The following TUBA1C variants were observed in gnomAD, a reference collection of about 807,000 sequenced individuals.
The protein encoded by TUBA1C is tubulin alpha 1c.
In TUBA1C, 16 loss-of-function variants were observed where a neutral mutation model predicts 34.9. The ratio of observed to expected loss-of-function variants is 0.46; its 90% confidence interval spans 0.31 to 0.70. The LOEUF (loss-of-function observed/expected upper bound fraction) is 0.70, where lower values mean the gene tolerates loss of function less well. TUBA1C is among the 30% of genes least tolerant of loss of function. TUBA1C has a pLI of 0.05. For synonymous variants in TUBA1C, 177 were observed against 215.9 expected (o/e 0.82, Z 1.58); for missense variants, 329 against 587.3 (o/e 0.56, Z 4.55).
chr12:49,236,473 T>G (rs1283027483), intron 1 of TUBA1C, among the ~76,000 whole-genome samples: 1 of 152,242 alleles, frequency 6.6e-6, no homozygotes, highest in Non-Finnish European at 1.5e-5. Flanking sequence ...CCAACAAAAC[T>G]GAATGTTGTA....
At chr12:49,257,390 C>A (rs1592281777) in intron 1 of TUBA1C, among the ~76,000 whole-genome samples, 1 of 152,042 alleles carries the variant, frequency 6.6e-6, no homozygotes, top group East Asian at 1.9e-4. Flanking sequence ...ATTTAAAATC[C>A]TCAGTCCAGG....
intron 1 of TUBA1C, among the ~76,000 whole-genome samples, chr12:49,245,907 CTTT>C (rs557172817): frequency 6.6e-6 from 1 of 151,836 alleles, no homozygotes. Flanking sequence ...CATACTTCTT[CTTT>C]TTTTTCTTTT....
At chr12:49,269,358 C>T in intron 1 of TUBA1C, 107 bp from the exon 2 acceptor site, 3 of 1,538,858 alleles carry the variant, frequency 1.9e-6, no homozygotes, top group Non-Finnish European at 1.8e-6. Flanking sequence ...TCACTGCGCC[C>T]AGCCAGTTAT....
intron 1 of TUBA1C, among the ~76,000 whole-genome samples, chr12:49,239,973 T>C (rs1291747228): frequency 6.6e-6 from 1 of 151,772 alleles, no homozygotes; most frequent in Non-Finnish European, 1.5e-5. Context: ...CTGTTTTCTC[T>C]TGTTGTTCTG....
At chr12:49,241,456 G>A (rs1942613970) in intron 1 of TUBA1C, among the ~76,000 whole-genome samples, 1 of 152,162 alleles carries the variant, frequency 6.6e-6, no homozygotes, top group Admixed American at 6.5e-5. Context: ...GAGCATGAAT[G>A]TGGTTTGCTT....
intron 1 of TUBA1C, among the ~76,000 whole-genome samples, chr12:49,244,310 CCTT>C (rs911765274): frequency 6.6e-6 from 1 of 152,156 alleles, no homozygotes; most frequent in Non-Finnish European, 1.5e-5. Flanking sequence ...TCATGTTTCT[CCTT>C]CTCCATCTTT....
chr12:49,264,319 C>T (rs1310409267), upstream of TUBA1C, among the ~76,000 whole-genome samples: 1 of 152,062 alleles, frequency 6.6e-6, no homozygotes, highest in Non-Finnish European at 1.5e-5. Context: ...TTGCGCCTAT[C>T]GGGAGGAGAC....
chr12:49,247,947 C>CA (rs59651984), intron 1 of TUBA1C, among the ~76,000 whole-genome samples: 30,000 of 86,134 alleles, frequency 0.35, 4,302 homozygotes, highest in East Asian at 0.7. Flanking sequence ...GATTCCGTCT[C>CA]AAAAAAAAAA....
chr12:49,261,924 A>C (rs1338016067), upstream of TUBA1C, among the ~76,000 whole-genome samples: 2 of 152,162 alleles, frequency 1.3e-5, no homozygotes, highest in African/African-American at 4.8e-5. Flanking sequence ...TGTTCTGGTG[A>C]TTCTTCAGTC....
At chr12:49,231,273 T>G (rs1942493988) in intron 1 of TUBA1C, among the ~76,000 whole-genome samples, 1 of 152,174 alleles carries the variant, frequency 6.6e-6, no homozygotes, top group African/African-American at 2.4e-5. Flanking sequence ...CAAGTGATCC[T>G]CCTGTCTCAC....
intron 1 of TUBA1C, among the ~76,000 whole-genome samples, chr12:49,239,741 G>A (rs953876142): frequency 2.0e-5 from 3 of 152,048 alleles, no homozygotes; most frequent in South Asian, 2.1e-4. Flanking sequence ...GGAGGATCGT[G>A]TGAGCCCAGG....
intron 3 of TUBA1C, 88 bp from the exon 4 acceptor site, chr12:49,272,165 A>G: frequency 6.6e-7 from 1 of 1,526,276 alleles, no homozygotes; most frequent in Middle Eastern, 1.8e-4. Flanking sequence ...GTAGCCATAG[A>G]TTTATAGAAG....
chr12:49,267,680 A>G (rs1942933500), intron 1 of TUBA1C, among the ~76,000 whole-genome samples: 1 of 152,148 alleles, frequency 6.6e-6, no homozygotes, highest in South Asian at 2.1e-4. Context: ...GTCATGGGCT[A>G]ATTAGAACAA....
intron 1 of TUBA1C, among the ~76,000 whole-genome samples, chr12:49,245,141 G>A (rs561114045): frequency 6.6e-6 from 1 of 152,216 alleles, no homozygotes; most frequent in African/African-American, 2.4e-5. Flanking sequence ...ATTACAAGGG[G>A]TTTATTCACT....
At chr12:49,253,769 C>G (rs1942754354) in intron 1 of TUBA1C, among the ~76,000 whole-genome samples, 1 of 152,176 alleles carries the variant, frequency 6.6e-6, no homozygotes, top group African/African-American at 2.4e-5. Flanking sequence ...CTCAAGCGAT[C>G]TTCCTGCTTC....
Position 49,273,318 on chromosome 12 carries a change from GAAGTTTCCATTTT to G in TUBA1C, c.*94_*106del, listed in dbSNP as rs1202150157. 1 of 1,608,330 alleles carries G rather than the reference GAAGTTTCCATTTT, an allele frequency of 6.2e-7. No individual in the cohort carries two copies. The highest frequency in any genetic ancestry group is 8.5e-7 in the Non-Finnish European group (1 of 1,176,300). ...ATTGCCGTAAATTGTTAATAAAATTGAAGTTTCCATTTTAAATGTCGAGCTGACTTAAATACTT... is the reference window on the plus strand; with the variant it reads ...ATTGCCGTAAATTGTTAATAAAATTGAAATGTCGAGCTGACTTAAATACTT... On this transcript the variant is annotated 3_prime_UTR_variant, in exon 4 of 4. Coordinates refer to ENST00000301072, the MANE Select transcript of TUBA1C (RefSeq NM_032704.5).
chr12:49,237,781 G>A (rs2136990476), intron 1 of TUBA1C, among the ~76,000 whole-genome samples: 1 of 150,534 alleles, frequency 6.6e-6, no homozygotes, highest in East Asian at 2.0e-4. Context: ...GGGGAGGCAG[G>A]GAGGAAGGAA....
chr12:49,233,400 T>A (rs1025782080), intron 1 of TUBA1C: 1 of 152,224 alleles, frequency 6.6e-6, no homozygotes, highest in African/African-American at 2.4e-5. Context: ...TCCATTGCCC[T>A]TTTTTGTCCT....
chr12:49,231,760 G>C (rs1242879971), intron 1 of TUBA1C, among the ~76,000 whole-genome samples: 5 of 151,776 alleles, frequency 3.3e-5, no homozygotes, highest in Non-Finnish European at 7.4e-5. Flanking sequence ...TGTTGACTAG[G>C]CTGGTCTCGA....
Sources: allele counts gnomAD v4.1 joint callset (sites outside exome capture counted in the v4.1 genomes callset), GRCh38; gene constraint gnomAD v4.1.1; transcripts MANE v1.5; gene names NCBI Gene and HGNC (gene_info 2026-07-23, HGNC 2026-07-21).